HPSE2: variants seen among roughly 807,000 people sequenced by gnomAD.
The protein encoded by HPSE2 is inactive heparanase-2.
Under a neutral mutation model 60.5 loss-of-function variants are expected in HPSE2, and 38 were observed. That is an observed-to-expected ratio of 0.63 (90% CI 0.48 to 0.82). The LOEUF (loss-of-function observed/expected upper bound fraction) is 0.82, where lower values mean the gene tolerates loss of function less well. HPSE2 is among the 40% of genes least tolerant of loss of function. The pLI, the probability that HPSE2 is intolerant of heterozygous loss-of-function variation, is 0.00. For synonymous variants in HPSE2, 295 were observed against 293.2 expected, an observed-to-expected ratio of 1.01 and a Z score of -0.06; for missense variants, 713 against 740.4, an observed-to-expected ratio of 0.96 and a Z score of 0.43.
chr10:98,649,339 T>C (rs1589569904), intron 6 of HPSE2, among the ~76,000 whole-genome samples: 1 of 152,202 alleles, frequency 6.6e-6, no homozygotes, highest in South Asian at 2.1e-4. Context: ...ATTTTACATA[T>C]AGTGTCATTT....
At chr10:98,480,157 C>T (rs375333899) in intron 11 of HPSE2, among the ~76,000 whole-genome samples, 14 of 151,200 alleles carry the variant, frequency 9.3e-5, no homozygotes, top group African/African-American at 2.7e-4. Flanking sequence ...GGTGTGATCT[C>T]AGCTCACTGC....
intron 2 of HPSE2, among the ~76,000 whole-genome samples, chr10:99,165,859 C>G (rs1400002520): frequency 6.6e-6 from 1 of 151,994 alleles, no homozygotes; most frequent in Admixed American, 6.6e-5. Context: ...TGGGTTTTGA[C>G]AAGTGCACAG....
At chr10:99,220,155 T>C (rs1186739132) in intron 2 of HPSE2, among the ~76,000 whole-genome samples, 1 of 152,166 alleles carries the variant, frequency 6.6e-6, no homozygotes, top group East Asian at 1.9e-4. Flanking sequence ...ACCCAAAGAA[T>C]GTACTATAGT....
At chr10:99,288,301 C>G in the HPSE2 span, among the ~76,000 whole-genome samples, 1 of 152,002 alleles carries the variant, frequency 6.6e-6, no homozygotes, top group East Asian at 1.9e-4. Context: ...TTAAGCTCTA[C>G]CACGATAGCT....
intron 3 of HPSE2, among the ~76,000 whole-genome samples, chr10:98,800,556 T>C (rs1345767030): frequency 1.3e-5 from 2 of 150,558 alleles, no homozygotes; most frequent in Non-Finnish European, 3.0e-5. Flanking sequence ...ACAACTGATA[T>C]TGCAAAAATT....
In HPSE2 at chr10:98,974,285, G is replaced by GAA. The variant is rs531829764; in HGVS notation, c.610+169951_610+169952dup. On this transcript the variant is annotated intron_variant, in intron 3 of 11. Coordinates refer to ENST00000370552, the MANE Select transcript of HPSE2 (RefSeq NM_021828.5). The stretch of plus-strand genomic sequence containing the variant: ...GCCTGGGCGACACAGAGTGACTCTG[G>GAA]AAAAAAAAAAGAAAGAAAAGAAAGA... Among the ~76,000 whole-genome samples the GAA allele has an allele frequency of 2.4e-4, 35 of 146,790 alleles. 2 individuals carry two copies. In the South Asian group the frequency reaches 7.6e-3, roughly 32 times the overall value.
the HPSE2 span, among the ~76,000 whole-genome samples, chr10:99,294,418 CATATA>C: frequency 7.0e-6 from 1 of 143,508 alleles, no homozygotes; most frequent in Admixed American, 7.1e-5. Context: ...ATAATATATA[CATATA>C]ATATATAATA....
chr10:98,972,749 T>C (rs1241184913), intron 3 of HPSE2, among the ~76,000 whole-genome samples: 1 of 152,172 alleles, frequency 6.6e-6, no homozygotes, highest in Admixed American at 6.5e-5. Context: ...AAAAGCTTGA[T>C]TACAAATGGA....
chr10:99,242,057 T>TA, the HPSE2 span, among the ~76,000 whole-genome samples: 2 of 152,158 alleles, frequency 1.3e-5, no homozygotes, highest in Admixed American at 1.3e-4. Context: ...ATGTCTTTGA[T>TA]TTTCTACTAG....
chr10:98,963,161 T>C (rs547055229), intron 3 of HPSE2, among the ~76,000 whole-genome samples: 5 of 152,190 alleles, frequency 3.3e-5, no homozygotes, highest in African/African-American at 1.2e-4. Context: ...ATAATCAATA[T>C]GTACTTTCTG....
In HPSE2 at chr10:99,184,819, T is replaced by TAGAGAG. The variant is rs1177556672; in HGVS notation, c.449-40426_449-40421dup. Among the ~76,000 whole-genome samples, 35 of 19,856 alleles carry TAGAGAG rather than the reference T, an allele frequency of 1.8e-3. 2 individuals are homozygous for TAGAGAG. The highest frequency in any genetic ancestry group is 2.8e-3 in the African/African-American group (17 of 6,006). The allele number at this position is 19,856 out of a possible 152,430, so 13.0% of individuals were successfully genotyped here. A position where few individuals can be genotyped will look rare whatever the true frequency, so the allele number is the denominator to read the frequency against. ...ATATATATATATATATATATATATA[T>TAGAGAG]AGAGAGAGAGAGAGAGAGAGAGAGA... On this transcript the variant is annotated intron_variant, in intron 2 of 11. Coordinates refer to ENST00000370552, the MANE Select transcript of HPSE2 (RefSeq NM_021828.5).
chr10:98,949,616 G>A (rs1368701777), intron 3 of HPSE2, among the ~76,000 whole-genome samples: 1 of 152,104 alleles, frequency 6.6e-6, no homozygotes, highest in African/African-American at 2.4e-5. Context: ...CCTTTCTGAA[G>A]TTACCTGAAT....
At chr10:98,672,134 G>A (rs1947522478) in intron 6 of HPSE2, among the ~76,000 whole-genome samples, 1 of 152,150 alleles carries the variant, frequency 6.6e-6, no homozygotes, top group Admixed American at 6.5e-5. Flanking sequence ...AACTTTAACA[G>A]AAGTGGTTGC....
At chr10:98,926,288 A>G (rs1242340941) in intron 3 of HPSE2, among the ~76,000 whole-genome samples, 1 of 152,180 alleles carries the variant, frequency 6.6e-6, no homozygotes, top group Non-Finnish European at 1.5e-5. Context: ...CTGAAGGTCA[A>G]TAGGAATGAA....
At chr10:98,968,439 T>TG (rs1387503160) in intron 3 of HPSE2, among the ~76,000 whole-genome samples, 1 of 152,198 alleles carries the variant, frequency 6.6e-6, no homozygotes, top group Non-Finnish European at 1.5e-5. Flanking sequence ...GAAAACAGTA[T>TG]GGAGCTTCCT....
At chr10:98,508,439 C>T (rs1591288148) in intron 9 of HPSE2, among the ~76,000 whole-genome samples, 2 of 152,166 alleles carry the variant, frequency 1.3e-5, no homozygotes, top group East Asian at 3.9e-4. Context: ...ATTCCTATAG[C>T]CCAGTGCCTA....
At chr10:98,957,402 T>C (rs1479943184) in intron 3 of HPSE2, among the ~76,000 whole-genome samples, 2 of 152,158 alleles carry the variant, frequency 1.3e-5, no homozygotes, top group Non-Finnish European at 2.9e-5. Flanking sequence ...TGCATAGACC[T>C]GCTCACTGTT....
chr10:98,781,040 C>T (rs1950453535), intron 3 of HPSE2, among the ~76,000 whole-genome samples: 1 of 151,940 alleles, frequency 6.6e-6, no homozygotes, highest in Non-Finnish European at 1.5e-5. Flanking sequence ...GAAACAATGT[C>T]TCTGTGGCGG....
the HPSE2 span, among the ~76,000 whole-genome samples, chr10:99,268,701 A>G: frequency 6.6e-6 from 1 of 151,900 alleles, no homozygotes; most frequent in Admixed American, 6.6e-5. Context: ...GAAACACAAT[A>G]AATAAATTGA....
Sources: allele counts gnomAD v4.1 joint callset (sites outside exome capture counted in the v4.1 genomes callset), GRCh38; gene constraint gnomAD v4.1.1; transcripts MANE v1.5; gene names NCBI Gene and HGNC (gene_info 2026-07-23, HGNC 2026-07-21).